Variants in NEK7 observed in about 807,000 individuals in gnomAD.
The protein encoded by NEK7 is NIMA related kinase 7, also known as serine/threonine-protein kinase Nek7.
NEK7 carries 18 observed loss-of-function variants against 44.6 expected under a neutral mutation model. The ratio of observed to expected loss-of-function variants is 0.40; its 90% CI spans 0.28 to 0.60. The LOEUF (loss-of-function observed/expected upper bound fraction) is 0.60. Among genes scored for constraint, NEK7 ranks in the 20% least tolerant of loss-of-function variants. The pLI, the probability that NEK7 is intolerant of heterozygous loss-of-function variation, is 0.38. For synonymous variants in NEK7, 130 were observed against 121.1 expected, an observed-to-expected ratio of 1.07 and a Z score of -0.48; for missense variants, 256 against 366.5, an observed-to-expected ratio of 0.70 and a Z score of 2.46.
chr1:198,235,244 A>G (rs904735103), intron 2 of NEK7, among the ~76,000 whole-genome samples: 4 of 152,170 alleles, frequency 2.6e-5, no homozygotes, highest in Admixed American at 1.3e-4. Context: ...CTCTCACCCC[A>G]TAATGTATAA....
intron 1 of NEK7, among the ~76,000 whole-genome samples, chr1:198,207,767 TGA>T: frequency 6.6e-6 from 1 of 152,330 alleles, no homozygotes; most frequent in African/African-American, 2.4e-5. Context: ...ATTTCATTAC[TGA>T]GTTTGTCAAA....
intron 1 of NEK7, among the ~76,000 whole-genome samples, chr1:198,226,544 CA>C (rs529152066): frequency 7.4e-4 from 95 of 128,176 alleles, no homozygotes; most frequent in Middle Eastern, 4.0e-3. Flanking sequence ...TATTGCGTCT[CA>C]AAAAAAAAAA....
At chr1:198,198,019 G>A in intron 1 of NEK7, 2 of 1,509,962 alleles carry the variant, frequency 1.3e-6, no homozygotes, top group South Asian at 2.6e-5. Context: ...CACAGGATGA[G>A]GGGGCCCACC....
chr1:198,192,255 A>G (rs1160583326), intron 1 of NEK7, among the ~76,000 whole-genome samples: 1 of 147,492 alleles, frequency 6.8e-6, no homozygotes, highest in East Asian at 2.0e-4. Context: ...CTGCTCTGTA[A>G]TTTTTTATTT....
At chr1:198,286,460 A>AC (rs1654373278) in intron 7 of NEK7, among the ~76,000 whole-genome samples, 1 of 143,082 alleles carries the variant, frequency 7.0e-6, no homozygotes, top group Admixed American at 7.1e-5. Flanking sequence ...TTTTTCTCTT[A>AC]CCCCCTCGGT....
At chr1:198,271,762 A>C (rs1483274330) in intron 5 of NEK7, among the ~76,000 whole-genome samples, 2 of 151,760 alleles carry the variant, frequency 1.3e-5, no homozygotes, top group East Asian at 3.9e-4. Flanking sequence ...TTTCCCACTA[A>C]GTCTTTTGTA....
chr1:198,249,730 G>C (rs1445956875), intron 2 of NEK7, among the ~76,000 whole-genome samples: 4 of 144,768 alleles, frequency 2.8e-5, no homozygotes, highest in Admixed American at 1.4e-4. Flanking sequence ...TTTTTGATGG[G>C]GTTGTTTGTT....
chr1:198,221,606 G>A (rs963071709), intron 1 of NEK7, among the ~76,000 whole-genome samples: 12 of 151,782 alleles, frequency 7.9e-5, no homozygotes, highest in South Asian at 6.3e-4. Flanking sequence ...GTTTTGAAAT[G>A]TATATTGGTT....
rs1235687803 is a variant in NEK7, at chr1:198,225,769, C to T, written c.-28-6784C>T. ...GTGTTCTTTCCTCTTCTCAGAATTC[C>T]TCTCTTCCTTAGCTCATCTTTTCCT... On this transcript the variant is annotated intron_variant, in intron 1 of 9. Coordinates refer to ENST00000367385, the MANE Select transcript of NEK7 (RefSeq NM_133494.3). Among the ~76,000 whole-genome samples, 3 of 152,138 alleles carry T rather than the reference C, an allele frequency of 2.0e-5. No homozygotes were observed. The East Asian group carries it at 5.8e-4, about 29-fold the overall frequency.
At chr1:198,187,318 C>T (rs1335472592) in intron 1 of NEK7, among the ~76,000 whole-genome samples, 1 of 152,106 alleles carries the variant, frequency 6.6e-6, no homozygotes, top group Non-Finnish European at 1.5e-5. Context: ...CAGCATTGCT[C>T]CTGAGAATTT....
chr1:198,295,106 G>T (rs1033372273), intron 8 of NEK7, among the ~76,000 whole-genome samples: 2 of 150,236 alleles, frequency 1.3e-5, no homozygotes, highest in Admixed American at 6.6e-5. Flanking sequence ...AAAAAAACTA[G>T]CAGTACAGTT....
chr1:198,277,782 A>C (rs1654060510), intron 5 of NEK7, 179 bp from the exon 6 acceptor site: 2 of 538,758 alleles, frequency 3.7e-6, no homozygotes. Context: ...TAGGAAAAAA[A>C]CTTAAGCCAT....
intron 5 of NEK7, among the ~76,000 whole-genome samples, chr1:198,276,093 T>C (rs1237992974): frequency 1.3e-5 from 2 of 151,596 alleles, no homozygotes; most frequent in Non-Finnish European, 3.0e-5. Flanking sequence ...AACTTGTAAG[T>C]TACAGTCTCA....
intron 1 of NEK7, among the ~76,000 whole-genome samples, chr1:198,205,084 T>C (rs1665555487): frequency 6.6e-6 from 1 of 152,180 alleles, no homozygotes; most frequent in Admixed American, 6.5e-5. Flanking sequence ...TCATTCAGTG[T>C]CTGTGAATAA....
intron 7 of NEK7, among the ~76,000 whole-genome samples, chr1:198,287,396 TACAAAA>T (rs1310532506): frequency 6.6e-6 from 1 of 151,656 alleles, no homozygotes; most frequent in East Asian, 1.9e-4. Flanking sequence ...TCTGTCTCAA[TACAAAA>T]ACAAAAACAA....
intron 9 of NEK7, among the ~76,000 whole-genome samples, chr1:198,317,630 G>T (rs1183334802): frequency 1.3e-5 from 2 of 152,114 alleles, no homozygotes; most frequent in African/African-American, 4.8e-5. Context: ...GAAGGATGTG[G>T]CAGTGTTAGG....
At chr1:198,290,190 C>T (rs1289122639) in intron 7 of NEK7, among the ~76,000 whole-genome samples, 1 of 152,138 alleles carries the variant, frequency 6.6e-6, no homozygotes, top group African/African-American at 2.4e-5. Context: ...ATTACATGTG[C>T]TGTAGTCTTC....
intron 1 of NEK7, among the ~76,000 whole-genome samples, chr1:198,178,904 T>C (rs1368561473): frequency 1.3e-5 from 2 of 152,046 alleles, no homozygotes; most frequent in Admixed American, 1.3e-4. Flanking sequence ...GAGATCTAGC[T>C]ATTTGATTCA....
At chr1:198,226,028 T>C (rs1388191320) in intron 1 of NEK7, among the ~76,000 whole-genome samples, 1 of 152,178 alleles carries the variant, frequency 6.6e-6, no homozygotes, top group Non-Finnish European at 1.5e-5. Flanking sequence ...ACGTAAGCAC[T>C]GGTGATACAG....
Sources: allele counts gnomAD v4.1 joint callset (sites outside exome capture counted in the v4.1 genomes callset), GRCh38; gene constraint gnomAD v4.1.1; transcripts MANE v1.5; gene names NCBI Gene and HGNC (gene_info 2026-07-23, HGNC 2026-07-21).